C3orf22: variants seen among roughly 807,000 people sequenced by gnomAD.
C3orf22 encodes the protein uncharacterized protein C3orf22.
Under a neutral mutation model 10.8 loss-of-function variants are expected in C3orf22, and 7 were observed. That is an observed-to-expected ratio of 0.65 (90% CI 0.37 to 1.22). The LOEUF (loss-of-function observed/expected upper bound fraction) is 1.22, where lower values mean the gene tolerates loss of function less well. C3orf22 is among the 50% of genes most tolerant of loss of function. C3orf22 has a pLI of 0.02. For synonymous variants in C3orf22, 79 were observed against 78.9 expected (o/e 1.00, Z 0.00); for missense variants, 173 against 177.0 (o/e 0.98, Z 0.13).
chr3:126,549,258 C>T (rs979539534), downstream of C3orf22, among the ~76,000 whole-genome samples: 1 of 146,338 alleles, frequency 6.8e-6, no homozygotes, highest in Non-Finnish European at 1.5e-5. Flanking sequence ...CACGCCCCCC[C>T]CCCCACACAC....
In C3orf22 at chr3:126,552,116, C is replaced by T. The variant is rs569515392; in HGVS notation, c.96G>A (p.Ser32=). 9.3e-6 allele frequency: 15 copies of T among 1,613,764 alleles called. No individual in the cohort carries two copies. The highest frequency in any genetic ancestry group is 2.7e-5 in the African/African-American group (2 of 75,030). The part of the protein sequence containing the change: ...NFAKKFPYRL[S]WLTEPDPEPL... ...GCTCAGGGTCGGGCTCTGTCAGCCA[C>T]GACAACCTGCAACAGCACTTGGAAT... Residue 32 remains serine (S), a synonymous_variant, in exon 3 of 4, where the codon TCG becomes TCA. Coordinates refer to ENST00000318225, the MANE Select transcript of C3orf22 (RefSeq NM_152533.3).
At chr3:126,537,680 C>T (rs910607821) in intron 4 of C3orf22, among the ~76,000 whole-genome samples, 2 of 152,230 alleles carry the variant, frequency 1.3e-5, no homozygotes, top group Admixed American at 6.5e-5. Context: ...CAGATGGCCC[C>T]TCACAGCCTG....
At chr3:126,527,586 A>G (rs1049421988) in exon 6 of C3orf22, 2 of 152,358 alleles carry the variant, frequency 1.3e-5, no homozygotes, top group African/African-American at 4.8e-5. Flanking sequence ...AAGGGCTGGG[A>G]GGCTGTGATT....
intron 4 of C3orf22, among the ~76,000 whole-genome samples, chr3:126,530,615 T>G (rs1263042317): frequency 6.6e-6 from 1 of 152,246 alleles, no homozygotes; most frequent in Non-Finnish European, 1.5e-5. Flanking sequence ...CCCTGCCTGG[T>G]GTGGCACCAG....
intron 4 of C3orf22, among the ~76,000 whole-genome samples, chr3:126,533,547 C>G (rs1936702165): frequency 1.3e-5 from 2 of 152,220 alleles, no homozygotes; most frequent in South Asian, 4.1e-4. Context: ...GTATATTTAG[C>G]CAATCTTGCA....
chr3:126,553,269 G>T (rs771058264), intron 2 of C3orf22, 33 bp downstream of exon 2: 6 of 1,473,914 alleles, frequency 4.1e-6, no homozygotes, highest in African/African-American at 1.4e-5. Context: ...GGGGGAGGCA[G>T]GGCTTGTCTC....
intron 4 of C3orf22, chr3:126,542,285 G>T (rs763869348): frequency 1.9e-6 from 3 of 1,564,712 alleles, no homozygotes; most frequent in South Asian, 2.3e-5. Context: ...GCCCTTCAAC[G>T]AGCACTGGGA....
chr3:126,542,394 C>A (rs765821914), intron 4 of C3orf22: 2 of 1,553,536 alleles, frequency 1.3e-6, no homozygotes, highest in South Asian at 1.2e-5. Context: ...CTGGGCCTGG[C>A]GGGCGCATCC....
intron 1 of C3orf22, among the ~76,000 whole-genome samples, chr3:126,557,210 G>C (rs1576255196): frequency 6.6e-6 from 1 of 152,186 alleles, no homozygotes; most frequent in Non-Finnish European, 1.5e-5. Context: ...CCTCAGCTCT[G>C]TCCCTATCCT....
At chr3:126,538,546 C>A (rs1936851183) in intron 4 of C3orf22, among the ~76,000 whole-genome samples, 1 of 152,250 alleles carries the variant, frequency 6.6e-6, no homozygotes, top group Non-Finnish European at 1.5e-5. Flanking sequence ...TGCCCTGACA[C>A]AGCCGGGGTC....
chr3:126,528,670 C>T (rs559469310), intron 5 of C3orf22, among the ~76,000 whole-genome samples: 2 of 152,262 alleles, frequency 1.3e-5, no homozygotes, highest in South Asian at 2.1e-4. Flanking sequence ...TCTGGAGGCA[C>T]AGCCGACAGG....
chr3:126,529,249 G>T, exon 5 of C3orf22: 1 of 1,137,894 alleles, frequency 8.8e-7, no homozygotes, highest in Non-Finnish European at 1.2e-6. Flanking sequence ...GGCAGAGGAG[G>T]CCTTGCAACA....
chr3:126,557,298 C>T (rs1432113679), intron 1 of C3orf22, among the ~76,000 whole-genome samples: 1 of 152,248 alleles, frequency 6.6e-6, no homozygotes, highest in Non-Finnish European at 1.5e-5. Flanking sequence ...ACGCACCTTG[C>T]TTCCCTTCCC....
Position 126,553,400 on chromosome 3 carries a change from GGTTAA to G in C3orf22, c.-15_-11del, listed in dbSNP as rs1173774976. On this transcript the variant is annotated 5_prime_UTR_variant, in exon 2 of 4. The change abolishes the stop of an existing upstream ORF in the 5' untranslated region. Coordinates refer to ENST00000318225, the MANE Select transcript of C3orf22 (RefSeq NM_152533.3). ...AGGCACTGGAGTCCATCACTGAGTG[GGTTAA>G]GCTGAGGCACACCTCTCAGCCATGG... The G allele has an allele frequency of 1.2e-6, 2 of 1,613,516 alleles. No individual in the cohort carries two copies. Among genetic ancestry groups the G allele is most frequent in the East Asian group, 4.5e-5 (2 of 44,872 alleles).
intron 4 of C3orf22, among the ~76,000 whole-genome samples, chr3:126,535,929 G>A (rs1250869081): frequency 1.3e-5 from 2 of 152,264 alleles, no homozygotes; most frequent in Admixed American, 6.5e-5. Context: ...CATGAGGCCA[G>A]GGCAGATGGC....
At chr3:126,549,542 T>G (rs1376756798), downstream of C3orf22, 1 of 775,370 alleles carries the variant, frequency 1.3e-6, no homozygotes, top group East Asian at 5.5e-5. Context: ...CTTACCTGTG[T>G]GAGTGTACAT....
intron 4 of C3orf22, among the ~76,000 whole-genome samples, chr3:126,539,016 G>C (rs1936863566): frequency 6.6e-6 from 1 of 152,200 alleles, no homozygotes; most frequent in Non-Finnish European, 1.5e-5. Context: ...AGGCGTGTAA[G>C]TAGTATCCAC....
chr3:126,556,809 ACACACACAGACTCACATACACACT>A, intron 1 of C3orf22, among the ~76,000 whole-genome samples: 1 of 137,546 alleles, frequency 7.3e-6, no homozygotes, highest in African/African-American at 2.8e-5. Flanking sequence ...AGGCTCACCC[ACACACACAGACTCACATACACACT>A]CACACACAGA....
At chr3:126,548,519 G>A (rs540689294), downstream of C3orf22, among the ~76,000 whole-genome samples, 33 of 152,336 alleles carry the variant, frequency 2.2e-4, no homozygotes, top group South Asian at 1.4e-3. Context: ...AGCTTATACA[G>A]TCCAAATGAA....
Sources: gnomAD v4.1 joint callset for allele counts (sites outside exome capture counted in the v4.1 genomes callset) on GRCh38, gnomAD v4.1.1 for gene constraint, MANE v1.5 for transcripts, NCBI Gene and HGNC (gene_info 2026-07-23, HGNC 2026-07-21) for gene names.